TGFBR2: variants seen among roughly 807,000 people sequenced by gnomAD.
The protein encoded by TGFBR2 is TGF-beta receptor type-2.
A neutral mutation model predicts 49.0 loss-of-function variants in TGFBR2; 18 were observed. The ratio of observed to expected loss-of-function variants is 0.37; its 90% CI spans 0.25 to 0.54. The LOEUF (loss-of-function observed/expected upper bound fraction) is 0.54, where lower values mean the gene tolerates loss of function less well. Ranked by LOEUF, TGFBR2 falls within the 20% of genes least tolerant of loss-of-function variation. TGFBR2 has a pLI of 0.85. For missense variants in TGFBR2, 525 were observed against 722.6 expected, an observed-to-expected ratio of 0.73 and a Z score of 3.13; for synonymous variants, 282 against 275.9, an observed-to-expected ratio of 1.02 and a Z score of -0.22.
chr3:30,614,323 TAA>T (rs1698093431), intron 1 of TGFBR2, among the ~76,000 whole-genome samples: 2 of 152,122 alleles, frequency 1.3e-5, no homozygotes, highest in African/African-American at 2.4e-5. Flanking sequence ...TTAGAAGATA[TAA>T]GATTGTCAAA....
intron 3 of TGFBR2, chr3:30,661,621 A>G (rs1404346406): frequency 1.9e-6 from 1 of 514,824 alleles, no homozygotes; most frequent in Non-Finnish European, 3.9e-6. Context: ...TCATGTGATG[A>G]AGACCCCAGG....
At chr3:30,619,871 C>T (rs1239682348) in intron 1 of TGFBR2, among the ~76,000 whole-genome samples, 1 of 152,160 alleles carries the variant, frequency 6.6e-6, no homozygotes, top group African/African-American at 2.4e-5. Flanking sequence ...GCCAAGCTAC[C>T]TGTGCTGTCT....
Position 30,672,529 on chromosome 3 carries a change from C to G in TGFBR2, c.1254+92C>G. On this transcript the variant is annotated intron_variant, in intron 4 of 6. Transcript: ENST00000295754. This position sits in a 1 kb window ranked among gnomAD's most constrained non-coding sequence, Gnocchi z 4.5. Reference sequence around the variant, plus strand: ...ATCTCCTGGCTCTTATCTCAAACAGCCCTGTACTCTGGACACTGGTCTAGG... The same window carrying G: ...ATCTCCTGGCTCTTATCTCAAACAGGCCTGTACTCTGGACACTGGTCTAGG... The G allele has an allele frequency of 7.3e-7, 1 of 1,374,764 alleles. No homozygotes were observed. Among genetic ancestry groups the G allele is most frequent in the Non-Finnish European group, 1.0e-6 (1 of 964,662 alleles). The allele number at this position is 1,374,764 out of a possible 1,614,324, so 85.2% of individuals were successfully genotyped here.
chr3:30,688,270 A>T, intron 5 of TGFBR2, 114 bp from the exon 6 acceptor site: 2 of 1,344,602 alleles, frequency 1.5e-6, no homozygotes, highest in East Asian at 2.3e-5. Context: ...GTAATTACGT[A>T]TGTATTTGTT....
intron 1 of TGFBR2, among the ~76,000 whole-genome samples, chr3:30,620,048 G>C (rs879348853): frequency 6.6e-6 from 1 of 152,146 alleles, no homozygotes; most frequent in Non-Finnish European, 1.5e-5. Flanking sequence ...TTAGCTGGGC[G>C]TGGTGGCGGG....
intron 1 of TGFBR2, among the ~76,000 whole-genome samples, chr3:30,644,355 T>G (rs1018997800): frequency 6.6e-6 from 1 of 152,206 alleles, no homozygotes; most frequent in African/African-American, 2.4e-5. Flanking sequence ...TTGGTCTGTT[T>G]CCTGTCTTAT....
intron 1 of TGFBR2, among the ~76,000 whole-genome samples, chr3:30,607,793 TAA>T (rs1193104700): frequency 3.3e-4 from 44 of 134,674 alleles, no homozygotes; most frequent in African/African-American, 5.0e-4. Context: ...AAAATAAAAA[TAA>T]AAAAATATAT....
chr3:30,665,388 C>T (rs1035965283), intron 3 of TGFBR2, among the ~76,000 whole-genome samples: 3 of 152,104 alleles, frequency 2.0e-5, no homozygotes, highest in East Asian at 1.9e-4. Flanking sequence ...CTCTGTAAAA[C>T]GGGGGTAAGA....
At chr3:30,674,302 A>G in intron 5 of TGFBR2, 56 bp downstream of exon 5, 1 of 1,605,898 alleles carries the variant, frequency 6.2e-7, no homozygotes, top group South Asian at 1.1e-5. Context: ...AAATAAGATC[A>G]TGTGTTGCTT....
chr3:30,647,831 C>G (rs1171441148), intron 2 of TGFBR2, among the ~76,000 whole-genome samples: 1 of 152,034 alleles, frequency 6.6e-6, no homozygotes, highest in African/African-American at 2.4e-5. Flanking sequence ...TGCACACCAC[C>G]ATCACGTGGC....
At position 30,676,978 on chromosome 3, in the gene TGFBR2, G is replaced by A. The variant is rs1016284843; in HGVS notation, c.1396+2732G>A. ...ACAGTTCCAAAATGAATCTTTAGCC[G>A]GGTATGAGTTGTATCAGAGACAATG... is the stretch of plus-strand genomic sequence containing the variant. On this transcript the variant is annotated intron_variant, in intron 5 of 6. Coordinates refer to ENST00000295754, the MANE Select transcript of TGFBR2 (RefSeq NM_003242.6). The surrounding 1 kb of genome is among the most constrained non-coding windows in gnomAD (Gnocchi z 4.3). Among the ~76,000 whole-genome samples, 7 of 152,108 alleles carry A rather than the reference G, an allele frequency of 4.6e-5. No individual in the cohort carries two copies. Among genetic ancestry groups the A allele is most frequent in the Admixed American group, 1.3e-4 (2 of 15,268 alleles).
At position 30,672,953 on chromosome 3, in the gene TGFBR2, C is replaced by A. The variant is rs1699369949; in HGVS notation, c.1254+516C>A. Among the ~76,000 whole-genome samples the A allele has an allele frequency of 6.6e-6, 1 of 152,218 alleles. No homozygotes were observed. Among genetic ancestry groups the A allele is most frequent in the Admixed American group, 6.5e-5 (1 of 15,282 alleles). On this transcript the variant is annotated intron_variant, in intron 4 of 6. Transcript: ENST00000295754. This position sits in a 1 kb window ranked among gnomAD's most constrained non-coding sequence, Gnocchi z 4.5. Reference sequence around the variant, plus strand: ...TAAGTACTTGTCGACTGAGTGAGCACTTCCACTCTTGAAGCACTCTCACAG... The same window carrying A: ...TAAGTACTTGTCGACTGAGTGAGCAATTCCACTCTTGAAGCACTCTCACAG...
intron 3 of TGFBR2, among the ~76,000 whole-genome samples, chr3:30,660,635 C>T (rs1193690586): frequency 1.3e-5 from 2 of 152,152 alleles, no homozygotes; most frequent in Admixed American, 1.3e-4. Flanking sequence ...AAAACCAACA[C>T]CTGTTTTACC....
intron 1 of TGFBR2, among the ~76,000 whole-genome samples, chr3:30,618,767 C>T (rs1200594486): frequency 6.6e-6 from 1 of 152,142 alleles, no homozygotes; most frequent in Admixed American, 6.5e-5. Context: ...ATTTTTTAAT[C>T]CTCTTTTGTC....
chr3:30,615,355 A>G (rs1698112420), intron 1 of TGFBR2, among the ~76,000 whole-genome samples: 1 of 152,206 alleles, frequency 6.6e-6, no homozygotes, highest in Non-Finnish European at 1.5e-5. Flanking sequence ...AAATACTACG[A>G]AATCTTGCAG....
chr3:30,624,632 G>A (rs796257226), intron 1 of TGFBR2, among the ~76,000 whole-genome samples: 210 of 149,384 alleles, frequency 1.4e-3, no homozygotes, highest in African/African-American at 4.9e-3. Flanking sequence ...AAAAAAAAAA[G>A]AATCACTTTG....
rs556520848 is a variant in TGFBR2 at position 30,619,995 on chromosome 3, C to G, written c.94+13018C>G. ...GAAGTCAGGAGATCGAGACCATCCT[C>G]GCTAACACGATGAAACCCTGTCTCT... On this transcript the variant is annotated intron_variant, in intron 1 of 6. Transcript: ENST00000295754. Among the ~76,000 whole-genome samples the G allele has an allele frequency of 6.6e-4, 100 of 152,178 alleles. 1 individual carries two copies. Among genetic ancestry groups the G allele is most frequent in the South Asian group, 4.6e-3 (22 of 4,824 alleles).
chr3:30,667,691 G>C (rs1056840069), intron 3 of TGFBR2, among the ~76,000 whole-genome samples: 2 of 152,146 alleles, frequency 1.3e-5, no homozygotes, highest in Non-Finnish European at 2.9e-5. Context: ...TAGCAAATAC[G>C]ACTGTTTTTA....
intron 5 of TGFBR2, among the ~76,000 whole-genome samples, chr3:30,686,934 TCAA>T (rs1699632829): frequency 6.6e-6 from 1 of 152,312 alleles, no homozygotes; most frequent in East Asian, 1.9e-4. Flanking sequence ...ATTCACTCAC[TCAA>T]CAAAGCATTT....
Sources: allele counts gnomAD v4.1 joint callset (sites outside exome capture counted in the v4.1 genomes callset), GRCh38; gene constraint gnomAD v4.1.1; non-coding constraint Gnocchi (gnomAD v3.1); transcripts MANE v1.5; gene names NCBI Gene and HGNC (gene_info 2026-07-23, HGNC 2026-07-21).